GYG2: variants seen among roughly 807,000 people sequenced by gnomAD.
GYG2 encodes the protein glycogenin 2.
A neutral mutation model predicts 29.4 loss-of-function variants in GYG2; 29 were observed. The observed-to-expected ratio is 0.99, with a 90% CI of 0.74 to 1.35. The LOEUF (loss-of-function observed/expected upper bound fraction) is 1.35. Among genes scored for constraint, GYG2 ranks in the 40% most tolerant of loss-of-function variants. The pLI, the probability that GYG2 is intolerant of heterozygous loss-of-function variation, is 0.00. For synonymous variants in GYG2, 167 were observed against 172.3 expected (o/e 0.97, Z 0.24); for missense variants, 370 against 385.7 (o/e 0.96, Z 0.34).
At chrX:2,868,357 A>C (rs1442710715) in intron 8 of GYG2, among the ~76,000 whole-genome samples, 2 of 105,717 alleles carry the variant, frequency 1.9e-5, no homozygotes, top group Non-Finnish European at 3.9e-5. Context: ...GAAATACAAA[A>C]ATTAGCCGGA....
Position 2,855,025 on chromosome X carries a change from G to C in GYG2, c.357G>C (p.Arg119Ser), listed in dbSNP as rs756958405. 1 of 1,210,212 alleles carries C rather than the reference G, an allele frequency of 8.3e-7. No homozygotes were observed. Among genetic ancestry groups the C allele is most frequent in the East Asian group, 3.0e-5 (1 of 33,755 alleles). ...CCAATGTCGATGAGCTGTTTGACAG[G>C]GGAGAGTTTTCTGCGGCCCCGGACC... is the stretch of plus-strand genomic sequence containing the variant. ...VLSNVDELFD[R>S]GEFSAAPDPG... The change falls in exon 5 of 11, where the codon AGG becomes AGC. Residue 119 changes from arginine (R) to serine (S), a missense_variant. By Grantham distance (110) the Arg-to-Ser change is moderately radical (BLOSUM62 -1). Transcript: ENST00000398806.
chrX:2,856,737 C>CTATCTAAGT (rs755581334), intron 6 of GYG2, 113 bp downstream of exon 6: 3 of 418,310 alleles, frequency 7.2e-6, no homozygotes, highest in Non-Finnish European at 1.2e-5. Flanking sequence ...ATCTATCTAT[C>CTATCTAAGT]ATCTATCTAT....
intron 2 of GYG2, 70 bp downstream of exon 2, chrX:2,830,265 C>A (rs1350327034): frequency 5.9e-5 from 56 of 950,500 alleles, no homozygotes; most frequent in Non-Finnish European, 7.9e-5. Flanking sequence ...TTGGTCTGCA[C>A]TGGGGAGAAC....
intron 8 of GYG2, among the ~76,000 whole-genome samples, chrX:2,866,825 A>ATT (rs751376982): frequency 4.6e-4 from 29 of 63,467 alleles, no homozygotes; most frequent in Middle Eastern, 8.0e-3. Flanking sequence ...TAAAAAGTAA[A>ATT]TTTTTTTTTT....
At chrX:2,872,369 G>A (rs769769111) in intron 8 of GYG2, among the ~76,000 whole-genome samples, 15 of 108,181 alleles carry the variant, frequency 1.4e-4, no homozygotes, top group Non-Finnish European at 2.3e-4. Context: ...CAAGGGGGAA[G>A]TGTCTACTTT....
At chrX:2,876,306 T>C (rs1435635334) in intron 9 of GYG2, among the ~76,000 whole-genome samples, 1 of 111,257 alleles carries the variant, frequency 9.0e-6, no homozygotes, top group Non-Finnish European at 1.9e-5. Flanking sequence ...CTAAAATCAA[T>C]ATTCCATGAC....
rs1028552928 is a variant in GYG2, at chrX:2,878,128, C to G, written c.1251+821C>G. On this transcript the variant is annotated intron_variant, in intron 10 of 10. Coordinates refer to ENST00000398806, the MANE Select transcript of GYG2 (RefSeq NM_001079855.2). ...ATGTATCCCTTCAGCATGTTCCATC[C>G]TTGTGGTCATCATTTGAGGCTCTGT... 3.9e-5 allele frequency: 29 copies of G among 743,694 alleles called. No individual in the cohort carries two copies. The South Asian group carries it at 1.2e-3, about 32-fold the overall frequency. The allele number at this position is 743,694 out of a possible 1,213,427, so 61.3% of individuals were successfully genotyped here. A position where few individuals can be genotyped will look rare whatever the true frequency, so the allele number is the denominator to read the frequency against.
intron 3 of GYG2, among the ~76,000 whole-genome samples, chrX:2,848,559 A>C (rs200261931): frequency 2.1e-4 from 21 of 101,287 alleles, no homozygotes; most frequent in South Asian, 4.6e-4. Flanking sequence ...AAAAAAAAAA[A>C]CCTGACTATA....
intron 5 of GYG2, 44 bp downstream of exon 5, chrX:2,855,199 A>G (rs2087956788): frequency 9.0e-7 from 1 of 1,105,503 alleles, no homozygotes; most frequent in African/African-American, 1.8e-5. Context: ...TGTTGCACAC[A>G]CTCAACTCTG....
rs1170831509 is a variant in GYG2 at position 2,861,656 on chromosome X, C to A, written c.972C>A (p.Gly324=). ...TGGGTTCTAACCAGCCTGCTCAGGG[C>A]CTTCCGGAGCCGACCCAGATAGTGG... The part of the protein sequence containing the change: ...SPLGSNQPAQ[G]LPEPTQIVDE... Residue 324 remains glycine, a synonymous_variant, in exon 8 of 11, where the codon GGC becomes GGA. Coordinates refer to ENST00000398806, the MANE Select transcript of GYG2 (RefSeq NM_001079855.2). The A allele has an allele frequency of 8.3e-7, 1 of 1,204,904 alleles. No homozygotes were observed. The highest frequency in any genetic ancestry group is 2.2e-5 in the Admixed American group (1 of 45,498).
chrX:2,856,378 A>G, intron 5 of GYG2, 120 bp from the exon 6 acceptor site: 1 of 572,249 alleles, frequency 1.7e-6, no homozygotes, highest in East Asian at 3.5e-5. Flanking sequence ...AGACAGAAGA[A>G]ATGGAATTAG....
chrX:2,836,746 G>A (rs934017320), intron 2 of GYG2, among the ~76,000 whole-genome samples: 8 of 109,243 alleles, frequency 7.3e-5, no homozygotes, highest in African/African-American at 2.7e-4. Context: ...GCTGAGGCGG[G>A]TAGATTGCCT....
chrX:2,874,345 GTTC>G (rs1208324062), intron 8 of GYG2, among the ~76,000 whole-genome samples: 4 of 112,168 alleles, frequency 3.6e-5, no homozygotes, highest in African/African-American at 1.3e-4. Flanking sequence ...TTTTCAGCAT[GTTC>G]TTCTTCTTAC....
At chrX:2,862,692 C>G (rs1432211127) in intron 8 of GYG2, among the ~76,000 whole-genome samples, 1 of 111,512 alleles carries the variant, frequency 9.0e-6, no homozygotes, top group Non-Finnish European at 1.9e-5. Flanking sequence ...ACTTGCAAAA[C>G]AAATAATGGA....
At chrX:2,842,896 C>G in intron 2 of GYG2, 1 of 309,743 alleles carries the variant, frequency 3.2e-6, no homozygotes, top group East Asian at 7.3e-5. Flanking sequence ...CTCACTGCAG[C>G]CTCAAACTCC....
At chrX:2,831,300 A>G (rs2087258518) in intron 2 of GYG2, among the ~76,000 whole-genome samples, 1 of 112,361 alleles carries the variant, frequency 8.9e-6, no homozygotes, top group Non-Finnish European at 1.9e-5. Context: ...TTCTAGGCTC[A>G]AGCAGTCCTC....
In GYG2 at chrX:2,859,913, C is replaced by T; in HGVS notation, c.685C>T (p.Gln229Ter). The part of the protein sequence containing the change: ...MKPWNYKYNP[Q>*]SGSVLEQGSA... ...ACCTTGGAACTACAAGTACAATCCA[C>T]AGAGTGGCTCGGTGTTGGAGCAAGG... Residue 229 changes from glutamine (Q) to a stop codon, truncating the protein, a stop_gained, in exon 7 of 11, where the codon CAG becomes TAG. Transcript: ENST00000398806. LOFTEE classifies it high-confidence loss of function. 1.7e-6 allele frequency: 2 copies of T among 1,204,387 alleles called. No individual in the cohort carries two copies. The highest frequency in any genetic ancestry group is 3.5e-5 in the South Asian group (2 of 56,415).
chrX:2,859,433 A>G (rs1455344309), intron 6 of GYG2, among the ~76,000 whole-genome samples: 1 of 110,970 alleles, frequency 9.0e-6, no homozygotes, highest in East Asian at 2.8e-4. Context: ...GTAGATTATT[A>G]TTGATTATAT....
chrX:2,856,430 A>G (rs1395136989), intron 5 of GYG2, 68 bp from the exon 6 acceptor site: 2 of 1,057,357 alleles, frequency 1.9e-6, no homozygotes, highest in Non-Finnish European at 2.6e-6. Context: ...CTTCAGGCAC[A>G]TCTCGCATTC....
Sources: gnomAD v4.1 joint callset for allele counts (sites outside exome capture counted in the v4.1 genomes callset) on GRCh38, gnomAD v4.1.1 for gene constraint, MANE v1.5 for transcripts, NCBI Gene and HGNC (gene_info 2026-07-23, HGNC 2026-07-21) for gene names.